The following ZBTB7C variants were observed in gnomAD, a reference collection of about 807,000 sequenced individuals.
ZBTB7C encodes the protein zinc finger and BTB domain containing 7C, also known as zinc finger and BTB domain-containing protein 7C.
In ZBTB7C, 8 loss-of-function variants were observed where a neutral mutation model predicts 25.7. That is an observed-to-expected ratio of 0.31 (90% CI 0.18 to 0.56). The LOEUF is 0.56. Ranked by LOEUF, ZBTB7C falls within the 20% of genes least tolerant of loss-of-function variation. ZBTB7C has a pLI of 0.91. For missense variants in ZBTB7C, 824 were observed against 855.2 expected (o/e 0.96, Z 0.46); for synonymous variants, 394 against 369.0 (o/e 1.07, Z -0.78).
At chr18:48,126,608 G>A (rs2039808966) in intron 3 of ZBTB7C, among the ~76,000 whole-genome samples, 1 of 152,168 alleles carries the variant, frequency 6.6e-6, no homozygotes, top group Non-Finnish European at 1.5e-5. Flanking sequence ...TGGGGCCATT[G>A]TGATGAACCA....
intron 2 of ZBTB7C, among the ~76,000 whole-genome samples, chr18:48,300,824 A>G (rs1337359836): frequency 6.6e-6 from 1 of 152,256 alleles, no homozygotes; most frequent in Non-Finnish European, 1.5e-5. Flanking sequence ...AACGAGAAGG[A>G]CACTGCCAGG....
chr18:48,203,881 T>C (rs1020579171), intron 2 of ZBTB7C, among the ~76,000 whole-genome samples: 1 of 152,064 alleles, frequency 6.6e-6, no homozygotes, highest in African/African-American at 2.4e-5. Flanking sequence ...CAGTACAGGG[T>C]AGAGAGGAGG....
rs189923916 is a variant in ZBTB7C at position 48,194,379 on chromosome 18, T to C, written c.-78-8384A>G. ...AAATATGTGCATTTATGCAGAGTGG[T>C]GATATTGCGGGGGTTGTCTGAACTA... On this transcript the variant is annotated intron_variant, in intron 2 of 4. Coordinates refer to ENST00000590800, the MANE Select transcript of ZBTB7C (RefSeq NM_001318841.2). Among the ~76,000 whole-genome samples, 49 of 152,212 alleles carry C rather than the reference T, an allele frequency of 3.2e-4. 1 individual carries two copies. In the East Asian group the frequency reaches 8.3e-3, roughly 26 times the overall value.
chr18:48,068,619 G>A (rs1463394473), intron 3 of ZBTB7C, among the ~76,000 whole-genome samples: 2 of 152,138 alleles, frequency 1.3e-5, no homozygotes, highest in East Asian at 3.9e-4. Context: ...CTCCCCATGT[G>A]CAACCCAGGC....
intron 1 of ZBTB7C, among the ~76,000 whole-genome samples, chr18:48,409,008 C>A (rs1317769914): frequency 2.0e-5 from 3 of 151,076 alleles, no homozygotes; most frequent in African/African-American, 7.3e-5. Flanking sequence ...CCGCCTCCTG[C>A]CCACCGCGCG....
chr18:48,081,314 G>A (rs899673111), intron 3 of ZBTB7C, among the ~76,000 whole-genome samples: 1 of 152,148 alleles, frequency 6.6e-6, no homozygotes, highest in Non-Finnish European at 1.5e-5. Flanking sequence ...CAGGTTTTCT[G>A]ATTCTAGACA....
At chr18:48,290,058 T>C (rs1185622174) in intron 2 of ZBTB7C, among the ~76,000 whole-genome samples, 1 of 152,250 alleles carries the variant, frequency 6.6e-6, no homozygotes, top group Non-Finnish European at 1.5e-5. Flanking sequence ...GTAGTTATGC[T>C]AGCACCTTCT....
At chr18:48,241,774 A>G (rs957801620) in intron 2 of ZBTB7C, among the ~76,000 whole-genome samples, 30 of 152,294 alleles carry the variant, frequency 2.0e-4, no homozygotes, top group South Asian at 6.2e-4. Context: ...CAAATCGACA[A>G]TCTAAAGTCA....
intron 2 of ZBTB7C, among the ~76,000 whole-genome samples, chr18:48,190,479 A>C (rs1210768680): frequency 6.6e-6 from 1 of 152,188 alleles, no homozygotes; most frequent in Non-Finnish European, 1.5e-5. Flanking sequence ...AGAGGAGCTG[A>C]GCAATTGTCT....
rs192205135 is a variant in ZBTB7C at position 48,065,376 on chromosome 18, C to A, written c.-16-24253G>T. Among the ~76,000 whole-genome samples the A allele has an allele frequency of 2.9e-3, 444 of 152,100 alleles. 2 individuals carry two copies. Among genetic ancestry groups the A allele is most frequent in the Non-Finnish European group, 4.2e-3 (283 of 67,884 alleles). On this transcript the variant is annotated intron_variant, in intron 3 of 4. Coordinates refer to ENST00000590800, the MANE Select transcript of ZBTB7C (RefSeq NM_001318841.2). ...ACACAAACACACACGCCTGAGAAAG[C>A]CCATAGTATAGAAACCTGTTTAACT...
intron 2 of ZBTB7C, among the ~76,000 whole-genome samples, chr18:48,238,120 G>T (rs915415133): frequency 5.1e-4 from 78 of 152,254 alleles, no homozygotes; most frequent in African/African-American, 1.8e-3. Flanking sequence ...TAAGGATAAT[G>T]GTTATCTCTG....
intron 2 of ZBTB7C, among the ~76,000 whole-genome samples, chr18:48,311,218 AC>A (rs1040448618): frequency 6.6e-6 from 1 of 151,284 alleles, no homozygotes; most frequent in African/African-American, 2.4e-5. Context: ...TGTCTTTCTC[AC>A]CCCCTGCCTG....
intron 2 of ZBTB7C, among the ~76,000 whole-genome samples, chr18:48,222,787 G>C (rs567724062): frequency 6.6e-6 from 1 of 152,326 alleles, no homozygotes; most frequent in African/African-American, 2.4e-5. Flanking sequence ...ATGAGAAAGA[G>C]TGTCCAGCTT....
chr18:48,118,001 C>CTT lies in ZBTB7C; in HGVS notation c.-17+67931_-17+67932dup, dbSNP rs11358230. 1.7e-3 allele frequency among the ~76,000 whole-genome samples: 213 copies of CTT among 128,494 alleles called. 1 individual carries two copies. Among genetic ancestry groups the CTT allele is most frequent in the African/African-American group, 3.9e-3 (135 of 34,264 alleles). The allele number at this position is 128,494 out of a possible 152,430, so 84.3% of individuals were successfully genotyped here. A position where few individuals can be genotyped will look rare whatever the true frequency, so the allele number is the denominator to read the frequency against. On this transcript the variant is annotated intron_variant, in intron 3 of 4. Coordinates refer to ENST00000590800, the MANE Select transcript of ZBTB7C (RefSeq NM_001318841.2). ...TGATCAATCTTTTCTTCTTCTTCTTCTTTTTTTTTTTTTTTTTTTACTGAG... is the reference window on the plus strand; with the variant it reads ...TGATCAATCTTTTCTTCTTCTTCTTCTTTTTTTTTTTTTTTTTTTTTACTGAG...
chr18:48,270,800 A>G (rs2044463340), intron 2 of ZBTB7C, among the ~76,000 whole-genome samples: 1 of 152,004 alleles, frequency 6.6e-6, no homozygotes, highest in South Asian at 2.1e-4. Flanking sequence ...TTGGCCTCCC[A>G]AAGTGCTGCG....
intron 3 of ZBTB7C, among the ~76,000 whole-genome samples, chr18:48,053,744 G>A (rs1472658830): frequency 6.6e-6 from 1 of 152,200 alleles, no homozygotes; most frequent in Non-Finnish European, 1.5e-5. Context: ...AAGAGATGGA[G>A]CTCCTGGTCT....
chr18:48,382,206 A>C (rs1365041653), intron 1 of ZBTB7C, among the ~76,000 whole-genome samples: 1 of 152,204 alleles, frequency 6.6e-6, no homozygotes, highest in Non-Finnish European at 1.5e-5. Flanking sequence ...CCATTTACAC[A>C]TGTGATTTAG....
intron 2 of ZBTB7C, among the ~76,000 whole-genome samples, chr18:48,302,991 C>T (rs1031834135): frequency 6.6e-6 from 1 of 152,214 alleles, no homozygotes; most frequent in African/African-American, 2.4e-5. Flanking sequence ...AGGATGGAAG[C>T]GGCATTGGAC....
At position 48,126,115 on chromosome 18, in the gene ZBTB7C, A is replaced by G. The variant is rs528321812; in HGVS notation, c.-17+59819T>C. ...GATATCATTTCAAAAATTTACATAC[A>G]GGTATTTTCTATTTTCCTTTATTAC... On this transcript the variant is annotated intron_variant, in intron 3 of 4. Transcript: ENST00000590800. Among the ~76,000 whole-genome samples the G allele has an allele frequency of 4.6e-5, 7 of 152,302 alleles. No homozygotes were observed. The South Asian group carries it at 1.4e-3, about 32-fold the overall frequency.
Sources: allele counts gnomAD v4.1 joint callset (sites outside exome capture counted in the v4.1 genomes callset), GRCh38; gene constraint gnomAD v4.1.1; transcripts MANE v1.5; gene names NCBI Gene and HGNC (gene_info 2026-07-23, HGNC 2026-07-21).